The following PALM2AKAP2 variants were observed in gnomAD, a reference collection of about 807,000 sequenced individuals.
PALM2AKAP2 encodes the protein PALM2 and AKAP2 fusion, also known as PALM2-AKAP2 fusion protein.
In PALM2AKAP2, 37 loss-of-function variants were observed where a neutral mutation model predicts 71.5. The ratio of observed to expected loss-of-function variants is 0.52; its 90% CI spans 0.40 to 0.68. The LOEUF (loss-of-function observed/expected upper bound fraction) is 0.68. Among genes scored for constraint, PALM2AKAP2 ranks in the 30% least tolerant of loss-of-function variants. PALM2AKAP2 has a pLI of 0.00. For missense variants in PALM2AKAP2, 1,224 were observed against 1,191.8 expected, an observed-to-expected ratio of 1.03 and a Z score of -0.40; for synonymous variants, 468 against 478.8, an observed-to-expected ratio of 0.98 and a Z score of 0.29.
chr9:110,005,859 G>A (rs916791955), intron 6 of PALM2AKAP2, among the ~76,000 whole-genome samples: 1 of 152,194 alleles, frequency 6.6e-6, no homozygotes, highest in Non-Finnish European at 1.5e-5. Flanking sequence ...TGTGCCGTTT[G>A]CTAAGACCAT....
chr9:109,666,508 C>A (rs1564106408), intron 1 of PALM2AKAP2, among the ~76,000 whole-genome samples: 1 of 152,144 alleles, frequency 6.6e-6, no homozygotes, highest in Non-Finnish European at 1.5e-5. Context: ...TACACAGAAA[C>A]CAGAGATGAT....
intron 7 of PALM2AKAP2, among the ~76,000 whole-genome samples, chr9:110,036,885 G>A (rs980799533): frequency 6.6e-6 from 1 of 151,922 alleles, no homozygotes; most frequent in Non-Finnish European, 1.5e-5. Flanking sequence ...CCATTCTCCA[G>A]GTCTCTGCTC....
intron 6 of PALM2AKAP2, among the ~76,000 whole-genome samples, chr9:109,969,866 C>T (rs1199684539): frequency 1.3e-5 from 2 of 152,124 alleles, no homozygotes; most frequent in South Asian, 2.1e-4. Context: ...CGAACCCCAC[C>T]AGGATGCCTA....
chr9:109,744,495 T>G (rs7041995), intron 1 of PALM2AKAP2, among the ~76,000 whole-genome samples: 129,754 of 152,072 alleles, frequency 0.85, 55,774 homozygotes, highest in African/African-American at 0.96. Flanking sequence ...CATCTTTAAA[T>G]GGGAAAGTTT....
At chr9:109,850,499 A>G (rs1331567975) in intron 1 of PALM2AKAP2, among the ~76,000 whole-genome samples, 2 of 152,092 alleles carry the variant, frequency 1.3e-5, no homozygotes, top group Non-Finnish European at 2.9e-5. Flanking sequence ...TAGTAGTGTA[A>G]TCCTAAGAGA....
upstream of PALM2AKAP2, among the ~76,000 whole-genome samples, chr9:110,046,000 C>T (rs1372012515): frequency 2.6e-5 from 4 of 152,288 alleles, no homozygotes; most frequent in East Asian, 7.7e-4. Flanking sequence ...GGGCGCTGTC[C>T]TGTAGATGCC....
At chr9:109,680,896 A>G (rs1446585197) in intron 1 of PALM2AKAP2, among the ~76,000 whole-genome samples, 2 of 152,240 alleles carry the variant, frequency 1.3e-5, no homozygotes, top group Non-Finnish European at 2.9e-5. Flanking sequence ...AAGTAAATAT[A>G]TAATTTTTTA....
intron 6 of PALM2AKAP2, among the ~76,000 whole-genome samples, chr9:109,937,632 A>G (rs1221208850): frequency 2.0e-5 from 3 of 152,234 alleles, no homozygotes; most frequent in East Asian, 1.9e-4. Context: ...TGTCATCAGT[A>G]TATAGGGTTT....
At chr9:109,999,754 A>G (rs1402344942) in intron 6 of PALM2AKAP2, among the ~76,000 whole-genome samples, 9 of 152,194 alleles carry the variant, frequency 5.9e-5, no homozygotes, top group Non-Finnish European at 1.2e-4. Flanking sequence ...CTAGGCCCTA[A>G]TTTGTGTCCC....
At chr9:109,786,704 G>T (rs73654551) in intron 1 of PALM2AKAP2, among the ~76,000 whole-genome samples, 1,891 of 152,166 alleles carry the variant, frequency 0.012, 33 homozygotes, top group African/African-American at 0.043. Context: ...CTACTTATTT[G>T]TACCTCTGAG....
At chr9:109,884,882 G>A (rs1442346922) in intron 3 of PALM2AKAP2, among the ~76,000 whole-genome samples, 1 of 152,118 alleles carries the variant, frequency 6.6e-6, no homozygotes, top group Non-Finnish European at 1.5e-5. Context: ...CAAAGAACAA[G>A]GAACATTTCT....
intron 2 of PALM2AKAP2, among the ~76,000 whole-genome samples, chr9:109,876,180 C>T (rs774260026): frequency 1.3e-5 from 2 of 152,092 alleles, no homozygotes; most frequent in African/African-American, 2.4e-5. Flanking sequence ...TTGAGCTCTG[C>T]TTCCGCTAAA....
At chr9:110,037,703 G>A (rs1182800268) in intron 7 of PALM2AKAP2, among the ~76,000 whole-genome samples, 1 of 152,198 alleles carries the variant, frequency 6.6e-6, no homozygotes, top group East Asian at 1.9e-4. Context: ...TGTAGAATAT[G>A]GGATGATTTG....
At chr9:109,760,488 C>T (rs1018461588) in intron 1 of PALM2AKAP2, 4 of 152,274 alleles carry the variant, frequency 2.6e-5, no homozygotes, top group South Asian at 2.1e-4. Flanking sequence ...CAGATGAGGA[C>T]GCTGAGGTTC....
intron 1 of PALM2AKAP2, among the ~76,000 whole-genome samples, chr9:110,065,218 ATTAT>A (rs982493977): frequency 6.6e-6 from 1 of 151,974 alleles, no homozygotes; most frequent in African/African-American, 2.4e-5. Context: ...TCTGTTATTT[ATTAT>A]TTATTTATTT....
chr9:109,942,457 A>G (rs928239711), intron 6 of PALM2AKAP2, among the ~76,000 whole-genome samples: 1 of 152,178 alleles, frequency 6.6e-6, no homozygotes, highest in African/African-American at 2.4e-5. Flanking sequence ...TGTGAGTGCC[A>G]TTGAGATATA....
At chr9:110,023,741 C>G (rs1321530690) in intron 7 of PALM2AKAP2, among the ~76,000 whole-genome samples, 1 of 151,940 alleles carries the variant, frequency 6.6e-6, no homozygotes, top group Non-Finnish European at 1.5e-5. Context: ...CCTGTAATCC[C>G]AGCACTTTGG....
chr9:109,948,635 T>C (rs1831566063), intron 6 of PALM2AKAP2, among the ~76,000 whole-genome samples: 1 of 152,198 alleles, frequency 6.6e-6, no homozygotes, highest in African/African-American at 2.4e-5. Flanking sequence ...ATATTGCCTC[T>C]TCATAATCAC....
intron 6 of PALM2AKAP2, among the ~76,000 whole-genome samples, chr9:109,951,526 C>T (rs1220327113): frequency 2.6e-5 from 4 of 152,152 alleles, no homozygotes; most frequent in South Asian, 2.1e-4. Flanking sequence ...CTGCCACTAG[C>T]GGACTTCAGG....
Sources: allele counts gnomAD v4.1 joint callset (sites outside exome capture counted in the v4.1 genomes callset), GRCh38; gene constraint gnomAD v4.1.1; transcripts MANE v1.5; gene names NCBI Gene and HGNC (gene_info 2026-07-23, HGNC 2026-07-21).